The following GRIK3 variants were observed in gnomAD, a reference collection of about 807,000 sequenced individuals.
GRIK3 encodes the protein glutamate receptor ionotropic, kainate 3.
In GRIK3, 29 loss-of-function variants were observed where a neutral mutation model predicts 102.5. That is an observed-to-expected ratio of 0.28 (90% CI 0.21 to 0.39). The LOEUF is 0.39. Ranked by LOEUF, GRIK3 falls within the 10% of genes least tolerant of loss-of-function variation. The probability of loss-of-function intolerance (pLI) is 1.00; values close to 1 mark genes in which losing one functional copy is unlikely to be tolerated. For missense variants in GRIK3, 908 were observed against 1,252.4 expected (o/e 0.73, Z 4.15); for synonymous variants, 511 against 504.9 (o/e 1.01, Z -0.16).
Position 36,805,231 on chromosome 1 carries a change from G to A in GRIK3, c.2321C>T (p.Pro774Leu). ...GGCGATGGTGATCTTGTCCCGGTATGGGGAGCCTGAGCAGGGAGAAGGGAC... is the reference window on the plus strand; with the variant it reads ...GGCGATGGTGATCTTGTCCCGGTATAGGGAGCCTGAGCAGGGAGAAGGGAC... ...GYGIGTPMGSPYRDKITIAIL... is the reference protein window; with the variant it reads ...GYGIGTPMGSLYRDKITIAIL... The change falls in exon 15 of 16, where the codon CCA (proline) becomes CTA (leucine). Residue 774 changes from proline (P) to leucine (L), a missense_variant. Around this residue, in one of 3 missense-constraint regions of GRIK3, gnomAD observed 297 missense variants for 362.7 expected, o/e 0.82. Transcript: ENST00000373091. 1 of 1,608,780 alleles carries A rather than the reference G, an allele frequency of 6.2e-7. No individual in the cohort carries two copies. Among genetic ancestry groups the A allele is most frequent in the Non-Finnish European group, 8.5e-7 (1 of 1,176,864 alleles).
At chr1:36,810,370 C>A (rs1035604344) in intron 13 of GRIK3, among the ~76,000 whole-genome samples, 6 of 152,200 alleles carry the variant, frequency 3.9e-5, no homozygotes, top group Admixed American at 1.3e-4. Context: ...TCACCCAAAT[C>A]AACTAATGGA....
At chr1:36,862,414 C>T (rs1640738120) in intron 5 of GRIK3, among the ~76,000 whole-genome samples, 1 of 152,122 alleles carries the variant, frequency 6.6e-6, no homozygotes, top group Admixed American at 6.5e-5. Context: ...CAGGACAAGA[C>T]ATGCATCAGA....
Position 37,021,867 on chromosome 1 carries a change from C to T in GRIK3, c.115+12127G>A, listed in dbSNP as rs116072809. On this transcript the variant is annotated intron_variant, in intron 1 of 15. Coordinates refer to ENST00000373091, the MANE Select transcript of GRIK3 (RefSeq NM_000831.4). Reference sequence around the variant, plus strand: ...CAGTCAGTCAGGAACTGGGACCAGCCTTTAAGTCCTCAGTTTCCCCACTGA... The same window carrying T: ...CAGTCAGTCAGGAACTGGGACCAGCTTTTAAGTCCTCAGTTTCCCCACTGA... Among the ~76,000 whole-genome samples, 946 of 152,302 alleles carry T rather than the reference C, an allele frequency of 6.2e-3. 3 individuals carry two copies. The highest frequency in any genetic ancestry group is 0.01 in the Non-Finnish European group (700 of 68,028).
In GRIK3 at chr1:36,982,912, C is replaced by G. The variant is rs889756747; in HGVS notation, c.115+51082G>C. ...GAGCCGACTGCAGCTCTCAGAGGGCCGCTGACAGCTCCCCAGAACCCGATC... is the reference window on the plus strand; with the variant it reads ...GAGCCGACTGCAGCTCTCAGAGGGCGGCTGACAGCTCCCCAGAACCCGATC... On this transcript the variant is annotated intron_variant, in intron 1 of 15. Coordinates refer to ENST00000373091, the MANE Select transcript of GRIK3 (RefSeq NM_000831.4). 2.0e-5 allele frequency among the ~76,000 whole-genome samples: 3 copies of G among 152,226 alleles called. No individual in the cohort carries two copies. In the East Asian group the frequency reaches 5.8e-4, roughly 29 times the overall value.
intron 5 of GRIK3, among the ~76,000 whole-genome samples, chr1:36,861,711 T>G (rs1275472251): frequency 6.6e-6 from 1 of 152,156 alleles, no homozygotes; most frequent in Non-Finnish European, 1.5e-5. Flanking sequence ...TGCACTGTGT[T>G]GGTTTCCTCT....
chr1:37,002,175 T>C (rs767175545), intron 1 of GRIK3, among the ~76,000 whole-genome samples: 4 of 152,222 alleles, frequency 2.6e-5, no homozygotes, highest in African/African-American at 7.2e-5. Flanking sequence ...TTACTTATTT[T>C]GGGGTATGAT....
chr1:36,883,931 AC>A (rs757453637), intron 2 of GRIK3, among the ~76,000 whole-genome samples: 1 of 152,226 alleles, frequency 6.6e-6, no homozygotes, highest in Non-Finnish European at 1.5e-5. Context: ...TGAAATCTGT[AC>A]TTCTACCAGG....
In GRIK3 at chr1:36,850,817, C is replaced by A. The variant is rs185752646; in HGVS notation, c.1213-393G>T. ...CAGTGCCAGGTCTTGCCCTGGGACA[C>A]AGTCTTTGTGGCTGTTTTGGGGTGG... On this transcript the variant is annotated intron_variant, in intron 8 of 15. Transcript: ENST00000373091. The surrounding 1 kb of genome is among the most constrained non-coding windows in gnomAD (Gnocchi z 4.0). 1.2e-4 allele frequency among the ~76,000 whole-genome samples: 18 copies of A among 152,342 alleles called. No individual in the cohort carries two copies. The East Asian group carries it at 2.9e-3, about 25-fold the overall frequency.
intron 1 of GRIK3, among the ~76,000 whole-genome samples, chr1:36,893,148 CT>C (rs1641135563): frequency 6.6e-6 from 1 of 152,158 alleles, no homozygotes; most frequent in East Asian, 1.9e-4. Flanking sequence ...CTTTCTAAGC[CT>C]TTCAAAAACA....
At chr1:37,030,553 C>CCCCA (rs1553129703) in intron 1 of GRIK3, among the ~76,000 whole-genome samples, 1 of 136,316 alleles carries the variant, frequency 7.3e-6, no homozygotes, top group African/African-American at 2.8e-5. Context: ...CCCCCTCCCC[C>CCCCA]CCCCCAACAC....
chr1:36,883,389 A>AG (rs768131267), intron 2 of GRIK3, among the ~76,000 whole-genome samples: 1 of 152,106 alleles, frequency 6.6e-6, no homozygotes, highest in Non-Finnish European at 1.5e-5. Flanking sequence ...CTGAACCATA[A>AG]GGGGCCTTGC....
chr1:36,937,996 A>C (rs1026604745), intron 1 of GRIK3, among the ~76,000 whole-genome samples: 3 of 152,244 alleles, frequency 2.0e-5, no homozygotes, highest in Non-Finnish European at 4.4e-5. Flanking sequence ...ATTCCCTTAA[A>C]GATATACTAG....
intron 1 of GRIK3, among the ~76,000 whole-genome samples, chr1:36,891,551 A>G (rs1641117231): frequency 1.3e-5 from 2 of 152,230 alleles, no homozygotes; most frequent in Admixed American, 1.3e-4. Context: ...ATTTAATAAA[A>G]TCCAATATCT....
At chr1:36,921,602 G>A (rs1488736294) in intron 1 of GRIK3, among the ~76,000 whole-genome samples, 1 of 118,698 alleles carries the variant, frequency 8.4e-6, no homozygotes, top group Non-Finnish European at 1.8e-5. Context: ...ATATTTCATT[G>A]ATTTCAAATC....
intron 1 of GRIK3, among the ~76,000 whole-genome samples, chr1:37,027,947 C>T (rs1007665051): frequency 3.3e-5 from 5 of 152,162 alleles, no homozygotes; most frequent in South Asian, 2.1e-4. Context: ...GTCCCCATGC[C>T]CAACCCACGG....
intron 1 of GRIK3, among the ~76,000 whole-genome samples, chr1:36,961,660 T>A (rs1013707530): frequency 6.6e-6 from 1 of 152,240 alleles, no homozygotes; most frequent in South Asian, 2.1e-4. Flanking sequence ...TCCTGCTGGC[T>A]CCGACATGAA....
At chr1:36,998,404 G>C (rs1367635422) in intron 1 of GRIK3, among the ~76,000 whole-genome samples, 1 of 152,184 alleles carries the variant, frequency 6.6e-6, no homozygotes, top group African/African-American at 2.4e-5. Context: ...TTCCCAGTAA[G>C]ACTGTGGACT....
chr1:36,871,368 C>T (rs1479203478), intron 4 of GRIK3, among the ~76,000 whole-genome samples: 2 of 152,200 alleles, frequency 1.3e-5, no homozygotes, highest in African/African-American at 2.4e-5. Flanking sequence ...TCCGGCTCAG[C>T]GTGTCTCCTC....
intron 1 of GRIK3, among the ~76,000 whole-genome samples, chr1:36,922,288 C>A (rs894311803): frequency 5.9e-5 from 9 of 152,202 alleles, no homozygotes; most frequent in African/African-American, 2.2e-4. Context: ...ACAATGAGAA[C>A]CCCAGGAAAG....
Sources: allele counts gnomAD v4.1 joint callset (sites outside exome capture counted in the v4.1 genomes callset), GRCh38; gene constraint gnomAD v4.1.1; regional missense constraint gnomAD v4.1.1; non-coding constraint Gnocchi (gnomAD v3.1); transcripts MANE v1.5; gene names NCBI Gene and HGNC (gene_info 2026-07-23, HGNC 2026-07-21).